RBFOX1: variants seen among roughly 807,000 people sequenced by gnomAD.
The protein encoded by RBFOX1 is RNA binding fox-1 homolog 1.
A neutral mutation model predicts 57.7 loss-of-function variants in RBFOX1; 8 were observed. The ratio of observed to expected loss-of-function variants is 0.14; its 90% CI spans 0.08 to 0.25. The LOEUF is 0.25. Among genes scored for constraint, RBFOX1 ranks in the 10% least tolerant of loss-of-function variants. RBFOX1 has a pLI of 1.00. For missense variants in RBFOX1, 611 were observed against 548.5 expected, an observed-to-expected ratio of 1.11 and a Z score of -1.14; for synonymous variants, 326 against 222.4, an observed-to-expected ratio of 1.47 and a Z score of -4.15.
At chr16:7,079,364 G>T (rs2058806400) in intron 4 of RBFOX1, among the ~76,000 whole-genome samples, 1 of 152,152 alleles carries the variant, frequency 6.6e-6, no homozygotes, top group South Asian at 2.1e-4. Flanking sequence ...GGAAAGGTAT[G>T]CTGAGCAGGT....
intron 1 of RBFOX1, among the ~76,000 whole-genome samples, chr16:6,254,163 C>G (rs1050165722): frequency 6.6e-6 from 1 of 152,106 alleles, no homozygotes; most frequent in African/African-American, 2.4e-5. Context: ...TCGTCAATAG[C>G]ATTTATCGAA....
intron 4 of RBFOX1, among the ~76,000 whole-genome samples, chr16:7,367,904 A>ACACT (rs1555789583): frequency 6.6e-6 from 1 of 151,898 alleles, no homozygotes; most frequent in Non-Finnish European, 1.5e-5. Context: ...ACACACACAC[A>ACACT]CACACACACA....
At chr16:7,438,881 C>T (rs1002168886) in intron 4 of RBFOX1, among the ~76,000 whole-genome samples, 11 of 152,142 alleles carry the variant, frequency 7.2e-5, no homozygotes, top group African/African-American at 2.7e-4. Flanking sequence ...GCTGAGTGAT[C>T]TATACTGCAT....
chr16:7,666,203 C>A (rs1035631391), intron 13 of RBFOX1, among the ~76,000 whole-genome samples: 1 of 152,258 alleles, frequency 6.6e-6, no homozygotes, highest in African/African-American at 2.4e-5. Flanking sequence ...TAAACCCAAT[C>A]ACCAGTCCTG....
intron 2 of RBFOX1, among the ~76,000 whole-genome samples, chr16:5,473,069 C>A (rs980860154): frequency 1.2e-4 from 18 of 152,210 alleles, no homozygotes; most frequent in Non-Finnish European, 2.2e-4. Flanking sequence ...GTCCCTCCTC[C>A]CGAGGAGACT....
chr16:7,224,791 A>C (rs563614110), intron 4 of RBFOX1, among the ~76,000 whole-genome samples: 11 of 152,196 alleles, frequency 7.2e-5, no homozygotes, highest in Admixed American at 7.2e-4. Flanking sequence ...AGTGTGGTCC[A>C]AAGACCAGCC....
intron 4 of RBFOX1, among the ~76,000 whole-genome samples, chr16:7,302,910 A>T (rs1207648694): frequency 6.6e-6 from 1 of 152,158 alleles, no homozygotes; most frequent in Non-Finnish European, 1.5e-5. Flanking sequence ...GCAAGAGCAG[A>T]ATGTTAATTT....
chr16:7,167,272 C>T (rs1313133510), intron 4 of RBFOX1, among the ~76,000 whole-genome samples: 4 of 151,846 alleles, frequency 2.6e-5, no homozygotes, highest in East Asian at 1.9e-4. Flanking sequence ...AGGTGTGAGC[C>T]ACCACACCTG....
At chr16:5,901,621 T>A (rs1163888210) in intron 4 of RBFOX1, among the ~76,000 whole-genome samples, 1 of 152,220 alleles carries the variant, frequency 6.6e-6, no homozygotes, top group African/African-American at 2.4e-5. Flanking sequence ...AGAGGCCTCA[T>A]GGAGCTCAAG....
intron 3 of RBFOX1, among the ~76,000 whole-genome samples, chr16:5,741,459 C>T (rs997633207): frequency 3.3e-5 from 5 of 152,208 alleles, no homozygotes; most frequent in Non-Finnish European, 1.5e-5. Context: ...GAATCATCAA[C>T]TCAGCCTGGG....
At chr16:7,571,146 A>G (rs2092729087) in intron 5 of RBFOX1, among the ~76,000 whole-genome samples, 1 of 152,160 alleles carries the variant, frequency 6.6e-6, no homozygotes, top group South Asian at 2.1e-4. Context: ...TGATGGGTGC[A>G]GCAAATCACC....
intron 5 of RBFOX1, among the ~76,000 whole-genome samples, chr16:7,534,634 A>T (rs1472352580): frequency 1.3e-5 from 2 of 152,082 alleles, no homozygotes; most frequent in East Asian, 3.9e-4. Context: ...ATCTTCAGAC[A>T]ATTTTTTCAC....
chr16:7,057,540 C>T (rs919797407), intron 4 of RBFOX1, among the ~76,000 whole-genome samples: 1 of 152,158 alleles, frequency 6.6e-6, no homozygotes, highest in Non-Finnish European at 1.5e-5. Context: ...TCAGTGCATC[C>T]TCGTTACAAA....
chr16:7,059,182 A>G (rs1225744494), intron 4 of RBFOX1, among the ~76,000 whole-genome samples: 3 of 152,182 alleles, frequency 2.0e-5, no homozygotes, highest in South Asian at 4.1e-4. Context: ...AGAATCAGAG[A>G]TACCTTCTCC....
chr16:5,905,440 A>T (rs528289909), intron 4 of RBFOX1, among the ~76,000 whole-genome samples: 57 of 152,204 alleles, frequency 3.7e-4, no homozygotes, highest in Middle Eastern at 3.4e-3. Context: ...GGCCAGGCGC[A>T]GTGGCTCTTG....
chr16:5,278,993 T>A (rs1219326509), intron 1 of RBFOX1, among the ~76,000 whole-genome samples: 1 of 152,240 alleles, frequency 6.6e-6, no homozygotes, highest in Non-Finnish European at 1.5e-5. Flanking sequence ...TACTATAGCT[T>A]TGCAGTACAT....
chr16:7,193,176 G>C (rs900397083), intron 4 of RBFOX1, among the ~76,000 whole-genome samples: 13 of 152,196 alleles, frequency 8.5e-5, no homozygotes, highest in African/African-American at 2.9e-4. Context: ...GGATTACATA[G>C]GGTTGTTATA....
At chr16:7,014,764 A>C (rs780949490) in intron 3 of RBFOX1, among the ~76,000 whole-genome samples, 13 of 151,766 alleles carry the variant, frequency 8.6e-5, no homozygotes, top group Non-Finnish European at 1.8e-4. Context: ...TCGCTCTGTC[A>C]CCCAGGCTGG....
At chr16:7,260,880 G>T (rs1004208002) in intron 4 of RBFOX1, among the ~76,000 whole-genome samples, 11 of 152,154 alleles carry the variant, frequency 7.2e-5, no homozygotes, top group Admixed American at 6.5e-4. Flanking sequence ...AGAGCTGGGG[G>T]AGTTCTGATG....
Sources: allele counts gnomAD v4.1 joint callset (sites outside exome capture counted in the v4.1 genomes callset), GRCh38; gene constraint gnomAD v4.1.1; transcripts MANE v1.5; gene names NCBI Gene and HGNC (gene_info 2026-07-23, HGNC 2026-07-21).